PCBP3: variants seen among roughly 807,000 people sequenced by gnomAD.
The protein encoded by PCBP3 is poly(rC)-binding protein 3.
PCBP3 carries 25 observed loss-of-function variants against 52.7 expected under a neutral mutation model. The ratio of observed to expected loss-of-function variants is 0.47; its 90% confidence interval spans 0.35 to 0.66. The LOEUF (loss-of-function observed/expected upper bound fraction) is 0.66, where lower values mean the gene tolerates loss of function less well. PCBP3 is among the 30% of genes least tolerant of loss of function. The pLI, the probability that PCBP3 is intolerant of heterozygous loss-of-function variation, is 0.01. For synonymous variants in PCBP3, 162 were observed against 183.0 expected (o/e 0.89, Z 0.93); for missense variants, 391 against 490.3 (o/e 0.80, Z 1.91).
chr21:45,698,342 A>G (rs2082911739), intron 2 of PCBP3, among the ~76,000 whole-genome samples: 1 of 152,370 alleles, frequency 6.6e-6, no homozygotes, highest in South Asian at 2.1e-4. Context: ...GTGTTCATGC[A>G]TTAGCCTCCC....
chr21:45,759,259 A>T (rs1292003570), intron 4 of PCBP3, among the ~76,000 whole-genome samples: 1 of 152,130 alleles, frequency 6.6e-6, no homozygotes, highest in Non-Finnish European at 1.5e-5. Flanking sequence ...TAAATTGTTT[A>T]TTAGAATTTG....
chr21:45,740,407 A>G lies in PCBP3; in HGVS notation c.-162+4978A>G, dbSNP rs115499914. 2.2e-3 allele frequency among the ~76,000 whole-genome samples: 328 copies of G among 152,340 alleles called. 1 individual carries two copies. Among genetic ancestry groups the G allele is most frequent in the African/African-American group, 7.3e-3 (303 of 41,560 alleles). On this transcript the variant is annotated intron_variant, in intron 3 of 17. Coordinates refer to ENST00000681687, the MANE Select transcript of PCBP3 (RefSeq NM_001384156.1). ...CCCTTGATCCTTGATTTTCAGCCAG[A>G]TTGGCAAATTGATTTCACAGTGACC...
At chr21:45,850,782 G>A (rs929910794) in intron 5 of PCBP3, among the ~76,000 whole-genome samples, 2 of 152,204 alleles carry the variant, frequency 1.3e-5, no homozygotes, top group African/African-American at 4.8e-5. Context: ...ATGTGTACAG[G>A]TGAAGTCTGT....
At chr21:45,855,017 C>T (rs2094215589) in intron 5 of PCBP3, among the ~76,000 whole-genome samples, 1 of 152,182 alleles carries the variant, frequency 6.6e-6, no homozygotes, top group Non-Finnish European at 1.5e-5. Context: ...CGGAACAGCT[C>T]GAAGAGCAGG....
At chr21:45,690,973 C>T (rs147048354) in intron 2 of PCBP3, among the ~76,000 whole-genome samples, 5 of 152,126 alleles carry the variant, frequency 3.3e-5, no homozygotes, top group African/African-American at 1.2e-4. Flanking sequence ...AGCTAAATAC[C>T]GTAGCACTTA....
At chr21:45,796,494 A>G (rs2091925995) in intron 4 of PCBP3, among the ~76,000 whole-genome samples, 1 of 151,438 alleles carries the variant, frequency 6.6e-6, no homozygotes, top group Non-Finnish European at 1.5e-5. Context: ...AATTCTTTTC[A>G]TTGCTTTTTT....
Position 45,817,887 on chromosome 21 carries a change from G to C in PCBP3, c.-125-32074G>C, listed in dbSNP as rs2093014672. Among the ~76,000 whole-genome samples, 1 of 152,132 alleles carries C rather than the reference G, an allele frequency of 6.6e-6. No homozygotes were observed. Among genetic ancestry groups the C allele is most frequent in the Admixed American group, 6.5e-5 (1 of 15,278 alleles). On this transcript the variant is annotated intron_variant, in intron 4 of 17. Coordinates refer to ENST00000681687, the MANE Select transcript of PCBP3 (RefSeq NM_001384156.1). This position sits in a 1 kb window ranked among gnomAD's most constrained non-coding sequence, Gnocchi z 4.3. ...AAAAGTTAATAGTCTTTATGTTTTA[G>C]GGCAATTGTATTCTACAATACAGAA...
chr21:45,875,561 T>C (rs921452586), intron 5 of PCBP3, among the ~76,000 whole-genome samples: 1 of 152,214 alleles, frequency 6.6e-6, no homozygotes, highest in African/African-American at 2.4e-5. Flanking sequence ...GCAGTGCCTC[T>C]GCTTCCCCCT....
At chr21:45,757,424 T>C (rs541265892) in intron 4 of PCBP3, among the ~76,000 whole-genome samples, 1 of 152,354 alleles carries the variant, frequency 6.6e-6, no homozygotes, top group East Asian at 1.9e-4. Flanking sequence ...TTCTGGATAC[T>C]AGACACTTTC....
chr21:45,666,754 G>GGA (rs1231247223), intron 1 of PCBP3, among the ~76,000 whole-genome samples: 4 of 150,576 alleles, frequency 2.7e-5, no homozygotes, highest in African/African-American at 4.9e-5. Flanking sequence ...TTTTAGATGG[G>GGA]GTCTTGCTCT....
At chr21:45,933,900 G>A (rs2149538605) in intron 15 of PCBP3, among the ~76,000 whole-genome samples, 1 of 152,304 alleles carries the variant, frequency 6.6e-6, no homozygotes, top group East Asian at 1.9e-4. Context: ...GGCTGGCAGG[G>A]ACGGGGGGCA....
chr21:45,660,762 G>A (rs750784205), intron 1 of PCBP3, among the ~76,000 whole-genome samples: 5 of 151,978 alleles, frequency 3.3e-5, no homozygotes, highest in Non-Finnish European at 7.4e-5. Context: ...CATCTTGCTG[G>A]GCATGGTGGC....
In PCBP3 at chr21:45,899,638, A is replaced by G; in HGVS notation, c.189+16A>G. The stretch of plus-strand genomic sequence containing the variant: ...CATCGGGAAGGTAATTATTGATTGA[A>G]TCTCTGCCTCTCCTGGGGTCTCTGT... On this transcript the variant is annotated intron_variant, in intron 7 of 17. Transcript: ENST00000681687. 1 of 1,599,128 alleles carries G rather than the reference A, an allele frequency of 6.3e-7. No homozygotes were observed. Among genetic ancestry groups the G allele is most frequent in the Admixed American group, 1.7e-5 (1 of 59,966 alleles).
At chr21:45,644,613 A>C (rs1477223625) in intron 1 of PCBP3, among the ~76,000 whole-genome samples, 1 of 151,988 alleles carries the variant, frequency 6.6e-6, no homozygotes, top group Non-Finnish European at 1.5e-5. Context: ...CGGGTCCTAA[A>C]TCTCGTGGCT....
At chr21:45,783,344 C>T (rs535497537) in intron 4 of PCBP3, among the ~76,000 whole-genome samples, 5 of 152,142 alleles carry the variant, frequency 3.3e-5, no homozygotes, top group Non-Finnish European at 5.9e-5. Context: ...CAGGCTGGTC[C>T]GAGTTGTTTT....
chr21:45,884,091 G>A (rs190003369), intron 5 of PCBP3, among the ~76,000 whole-genome samples: 2 of 152,032 alleles, frequency 1.3e-5, no homozygotes, highest in East Asian at 1.9e-4. Flanking sequence ...GCACCACCAT[G>A]CCCAGCCAAT....
intron 9 of PCBP3, among the ~76,000 whole-genome samples, chr21:45,905,997 G>A (rs1245009273): frequency 6.6e-6 from 1 of 152,178 alleles, no homozygotes; most frequent in East Asian, 1.9e-4. Context: ...GAACAAAGAG[G>A]GCGTCACCAC....
intron 16 of PCBP3, among the ~76,000 whole-genome samples, chr21:45,939,147 C>T (rs1258131776): frequency 6.6e-5 from 10 of 152,226 alleles, no homozygotes; most frequent in Non-Finnish European, 1.2e-4. Flanking sequence ...TGCCCTGTGC[C>T]GGGCACCCTC....
In PCBP3 at chr21:45,827,286, G is replaced by A. The variant is rs547864337; in HGVS notation, c.-125-22675G>A. On this transcript the variant is annotated intron_variant, in intron 4 of 17. Transcript: ENST00000681687. The surrounding 1 kb of genome is among the most constrained non-coding windows in gnomAD (Gnocchi z 4.3). ...GGCAGCACACCTCTGCCCCCGCTGC[G>A]ATGGTGTCGGAGGAGGCCGGTGAAA... Among the ~76,000 whole-genome samples, 21 of 152,280 alleles carry A rather than the reference G, an allele frequency of 1.4e-4. No homozygotes were observed. Among genetic ancestry groups the A allele is most frequent in the South Asian group, 8.3e-4 (4 of 4,816 alleles).
Sources: allele counts gnomAD v4.1 joint callset (sites outside exome capture counted in the v4.1 genomes callset), GRCh38; gene constraint gnomAD v4.1.1; non-coding constraint Gnocchi (gnomAD v3.1); transcripts MANE v1.5; gene names NCBI Gene and HGNC (gene_info 2026-07-23, HGNC 2026-07-21).